TNIP3: variants seen among roughly 807,000 people sequenced by gnomAD.
The protein encoded by TNIP3 is TNFAIP3 interacting protein 3, also known as TNFAIP3-interacting protein 3.
Under a neutral mutation model 54.1 loss-of-function variants are expected in TNIP3, and 34 were observed. The ratio of observed to expected loss-of-function variants is 0.63; its 90% CI spans 0.48 to 0.84. The LOEUF (loss-of-function observed/expected upper bound fraction) is 0.84. TNIP3 is among the 40% of genes least tolerant of loss of function. The probability of loss-of-function intolerance (pLI) is 0.00; values close to 1 mark genes in which losing one functional copy is unlikely to be tolerated. For synonymous variants in TNIP3, 134 were observed against 136.8 expected (o/e 0.98, Z 0.14); for missense variants, 366 against 387.6 (o/e 0.94, Z 0.47).
intron 2 of TNIP3, among the ~76,000 whole-genome samples, chr4:121,197,044 A>G (rs1725629009): frequency 6.6e-6 from 1 of 152,178 alleles, no homozygotes; most frequent in South Asian, 2.1e-4. Context: ...AATGAACTTA[A>G]AAAATACAAT....
intron 10 of TNIP3, chr4:121,137,963 T>C (rs1206307867): frequency 2.2e-6 from 1 of 456,222 alleles, no homozygotes; most frequent in Non-Finnish European, 4.4e-6. Context: ...ACAGCCCGCT[T>C]CTGGGTGGCC....
intron 3 of TNIP3, among the ~76,000 whole-genome samples, chr4:121,158,336 T>C (rs145349922): frequency 2.6e-5 from 4 of 152,332 alleles, no homozygotes; most frequent in African/African-American, 9.6e-5. Context: ...AGTATGGACT[T>C]TAAACCATAT....
At chr4:121,210,858 AC>A (rs1333530010) in intron 2 of TNIP3, among the ~76,000 whole-genome samples, 1 of 152,190 alleles carries the variant, frequency 6.6e-6, no homozygotes, top group East Asian at 1.9e-4. Context: ...AGTTCAACAT[AC>A]GAATTTAGGG....
intron 4 of TNIP3, 45 bp downstream of exon 4, chr4:121,157,049 C>A: frequency 6.2e-7 from 1 of 1,607,320 alleles, no homozygotes. Flanking sequence ...CGCCCCTTTG[C>A]TTTTATTTGG....
chr4:121,132,756 A>T, intron 10 of TNIP3, 94 bp from the exon 11 acceptor site: 2 of 175,726 alleles, frequency 1.1e-5, no homozygotes, highest in African/African-American at 5.3e-5. Context: ...CCAGGATGGC[A>T]AAAAAAAAAA....
intron 2 of TNIP3, among the ~76,000 whole-genome samples, chr4:121,200,178 T>C (rs899237589): frequency 1.3e-5 from 2 of 152,078 alleles, no homozygotes; most frequent in African/African-American, 4.8e-5. Flanking sequence ...GAGCTTCCTC[T>C]TGCCTTGGTT....
At chr4:121,201,974 C>T (rs1239648894) in intron 2 of TNIP3, among the ~76,000 whole-genome samples, 1 of 152,122 alleles carries the variant, frequency 6.6e-6, no homozygotes, top group African/African-American at 2.4e-5. Context: ...GTGAAAATGA[C>T]CATACTGCCA....
chr4:121,136,231 T>A (rs1022004489), intron 10 of TNIP3, among the ~76,000 whole-genome samples: 21 of 152,206 alleles, frequency 1.4e-4, no homozygotes, highest in African/African-American at 4.8e-4. Flanking sequence ...TGCTGTGAGT[T>A]CACACAAAGA....
At chr4:121,158,782 A>G in intron 2 of TNIP3, 30 bp from the exon 3 acceptor site, 1 of 1,576,910 alleles carries the variant, frequency 6.3e-7, no homozygotes, top group African/African-American at 1.4e-5. Context: ...GTGAATCAAC[A>G]AAGAATTTCT....
At chr4:121,217,191 T>C (rs1726833560), upstream of TNIP3, among the ~76,000 whole-genome samples, 1 of 152,208 alleles carries the variant, frequency 6.6e-6, no homozygotes, top group African/African-American at 2.4e-5. Flanking sequence ...TTGAAGAATT[T>C]GAAGAATTGT....
At chr4:121,176,381 A>G (rs1190504465) in intron 3 of TNIP3, among the ~76,000 whole-genome samples, 1 of 152,090 alleles carries the variant, frequency 6.6e-6, no homozygotes, top group Non-Finnish European at 1.5e-5. Flanking sequence ...TTTTTCTAGC[A>G]GAAAAAAATA....
chr4:121,161,260 C>T (rs1439853101), intron 1 of TNIP3, 44 bp from the exon 2 acceptor site: 1 of 1,490,740 alleles, frequency 6.7e-7, no homozygotes, highest in Non-Finnish European at 9.0e-7. Context: ...AAGCTGTTTA[C>T]AAAATAAACA....
upstream of TNIP3, among the ~76,000 whole-genome samples, chr4:121,217,854 G>A (rs1048304809): frequency 2.6e-5 from 4 of 152,046 alleles, no homozygotes; most frequent in African/African-American, 4.8e-5. Context: ...AAGCATATGC[G>A]AAATTACACA....
intron 10 of TNIP3, among the ~76,000 whole-genome samples, chr4:121,137,060 C>T (rs1329163994): frequency 6.6e-6 from 1 of 152,078 alleles, no homozygotes; most frequent in Non-Finnish European, 1.5e-5. Context: ...TTCTGAATGT[C>T]ATCACAATTC....
Position 121,132,406 on chromosome 4 carries a change from G to A in TNIP3, c.*225C>T, listed in dbSNP as rs960014981. On this transcript the variant is annotated 3_prime_UTR_variant, in exon 11 of 11. Transcript: ENST00000057513. ...GCCAAGTCTCATTTCAAGGAAACTGGAAGTTGTATTTGGTTGTATAATAAC... is the reference window on the plus strand; with the variant it reads ...GCCAAGTCTCATTTCAAGGAAACTGAAAGTTGTATTTGGTTGTATAATAAC... 7 of 449,894 alleles carry A rather than the reference G, an allele frequency of 1.6e-5. No individual in the cohort carries two copies. The highest frequency in any genetic ancestry group is 1.4e-4 in the African/African-American group (7 of 49,686). The allele number at this position is 449,894 out of a possible 1,614,324, so 27.9% of individuals were successfully genotyped here. A position where few individuals can be genotyped will look rare whatever the true frequency, so the allele number is the denominator to read the frequency against.
At position 121,215,138 on chromosome 4, in the gene TNIP3, G is replaced by C. The variant is rs374808802; in HGVS notation, c.68+1277C>G. Reference sequence around the variant, plus strand: ...CAATTAATTTTAAACACTATTGTTAGAGTAGCCTATTGGAAATCCTTGGCT... The same window carrying C: ...CAATTAATTTTAAACACTATTGTTACAGTAGCCTATTGGAAATCCTTGGCT... On this transcript the variant is annotated intron_variant, in intron 2 of 12. Coordinates refer to the TNIP3 transcript ENST00000507879. Among the ~76,000 whole-genome samples the C allele has an allele frequency of 7.2e-5, 11 of 152,078 alleles. No individual in the cohort carries two copies. In the East Asian group the frequency reaches 9.6e-4, roughly 13 times the overall value.
At chr4:121,227,215 G>A (rs1015276123) in intron 1 of TNIP3, among the ~76,000 whole-genome samples, 4 of 151,946 alleles carry the variant, frequency 2.6e-5, no homozygotes, top group South Asian at 2.1e-4. Context: ...ATTTCTCACC[G>A]GGAACACATA....
upstream of TNIP3, chr4:121,164,409 A>T (rs1407058240): frequency 5.4e-6 from 6 of 1,117,338 alleles, no homozygotes; most frequent in Non-Finnish European, 6.8e-6. Context: ...GCAGGCCGTG[A>T]CTAAGACCTG....
chr4:121,142,397 G>A (rs374317418), intron 8 of TNIP3, among the ~76,000 whole-genome samples: 1 of 152,190 alleles, frequency 6.6e-6, no homozygotes, highest in Non-Finnish European at 1.5e-5. Context: ...AAAAGAGGCA[G>A]TATTTGATTT....
Sources: allele counts gnomAD v4.1 joint callset (sites outside exome capture counted in the v4.1 genomes callset), GRCh38; gene constraint gnomAD v4.1.1; transcripts MANE v1.5; gene names NCBI Gene and HGNC (gene_info 2026-07-23, HGNC 2026-07-21).